The following DNAH5 variants were observed in gnomAD, a reference collection of about 807,000 sequenced individuals.
DNAH5 encodes the protein axonemal beta dynein heavy chain 5.
DNAH5 carries 372 observed loss-of-function variants against 518.2 expected under a neutral mutation model. The observed-to-expected ratio is 0.72, with a 90% CI of 0.66 to 0.78. The LOEUF is 0.78. Among genes scored for constraint, DNAH5 ranks in the 30% least tolerant of loss-of-function variants. DNAH5 has a pLI of 0.00. For missense variants in DNAH5, 5,523 were observed against 5,687.0 expected (o/e 0.97, Z 0.93); for synonymous variants, 2,039 against 2,025.9 (o/e 1.01, Z -0.17).
chr5:13,834,122 G>C (rs909167539), intron 35 of DNAH5, among the ~76,000 whole-genome samples: 1 of 152,082 alleles, frequency 6.6e-6, no homozygotes, highest in Non-Finnish European at 1.5e-5. Context: ...TAATCAAGTT[G>C]GTTAAAGAAA....
At chr5:13,839,581 A>T (rs1764886271) in intron 34 of DNAH5, 53 bp from the exon 35 acceptor site, 1 of 1,447,850 alleles carries the variant, frequency 6.9e-7, no homozygotes, top group African/African-American at 1.4e-5. Flanking sequence ...CTCATTAAAT[A>T]TACACGTTAT....
intron 35 of DNAH5, among the ~76,000 whole-genome samples, chr5:13,835,596 G>A (rs1001939838): frequency 1.3e-5 from 2 of 152,124 alleles, no homozygotes; most frequent in African/African-American, 4.8e-5. Context: ...TTAAAAGGCT[G>A]GGGTTGGAGG....
chr5:13,742,879 T>C (rs927431561), intron 65 of DNAH5, among the ~76,000 whole-genome samples: 3 of 151,992 alleles, frequency 2.0e-5, no homozygotes, highest in African/African-American at 7.2e-5. Context: ...GCCAAATACT[T>C]GGGCTCTAGA....
chr5:14,008,479 C>T (rs959364601), intron 1 of DNAH5, among the ~76,000 whole-genome samples: 1 of 152,006 alleles, frequency 6.6e-6, no homozygotes, highest in Non-Finnish European at 1.5e-5. Flanking sequence ...AAAAAAGTAG[C>T]AGGGCTTGGT....
chr5:13,989,858 C>T (rs778501622), intron 1 of DNAH5, among the ~76,000 whole-genome samples: 17 of 151,962 alleles, frequency 1.1e-4, no homozygotes, highest in Non-Finnish European at 2.1e-4. Flanking sequence ...TGTTCTTTTT[C>T]CTTGGTTTAC....
chr5:13,946,598 C>T (rs1029583012), upstream of DNAH5, among the ~76,000 whole-genome samples: 1 of 152,176 alleles, frequency 6.6e-6, no homozygotes, highest in African/African-American at 2.4e-5. Flanking sequence ...CAAATAGTTT[C>T]CACCAGGCAA....
At position 13,917,235 on chromosome 5, in the gene DNAH5, G is replaced by A. The variant is rs771956532; in HGVS notation, c.997C>T (p.Arg333Ter). 6.8e-6 allele frequency: 11 copies of A among 1,613,566 alleles called. No individual in the cohort carries two copies. The highest frequency in any genetic ancestry group is 6.7e-5 in the East Asian group (3 of 44,844). Reference sequence around the variant, plus strand: ...GCTTCATTAGTTGCATCAGTGATTCGAATATCCATCTCCCGCCAAGTCTAA... The same window carrying A: ...GCTTCATTAGTTGCATCAGTGATTCAAATATCCATCTCCCGCCAAGTCTAA... ...LLKTWREMDI[R>*]ITDATNEAKD... Residue 333 changes from arginine (R) to a stop codon, truncating the protein, a stop_gained, in exon 8 of 79, where the codon CGA (arginine) becomes TGA (stop). Transcript: ENST00000265104. LOFTEE classifies it high-confidence loss of function.
At chr5:13,850,008 T>C (rs795531) in intron 31 of DNAH5, among the ~76,000 whole-genome samples, 9,390 of 152,248 alleles carry the variant, frequency 0.062, 308 homozygotes, top group African/African-American at 0.079. Context: ...GATGTATTCA[T>C]GGGGAAAGAT....
At chr5:13,776,803 G>A in intron 54 of DNAH5, 97 bp from the exon 55 acceptor site, 1 of 1,359,536 alleles carries the variant, frequency 7.4e-7, no homozygotes. Flanking sequence ...CTCCATTTGT[G>A]TTCTTGAACT....
chr5:13,728,467 G>A (rs932974547), intron 69 of DNAH5, among the ~76,000 whole-genome samples: 6 of 152,172 alleles, frequency 3.9e-5, no homozygotes, highest in African/African-American at 7.2e-5. Flanking sequence ...AACTTCTTTC[G>A]ATCTTGAAAG....
Position 13,891,208 on chromosome 5 carries a change from G to A in DNAH5, c.2432-87C>T, listed in dbSNP as rs532323398. 133 of 1,394,622 alleles carry A rather than the reference G, an allele frequency of 9.5e-5. No homozygotes were observed. The East Asian group carries it at 1.4e-3, about 15-fold the overall frequency. The allele number at this position is 1,394,622 out of a possible 1,614,324, so 86.4% of individuals were successfully genotyped here. A position where few individuals can be genotyped will look rare whatever the true frequency, so the allele number is the denominator to read the frequency against. On this transcript the variant is annotated intron_variant, in intron 16 of 78. Transcript: ENST00000265104. ...ATCAACACTTGATTAAATGACAGTA[G>A]TAAAATCAGCTTTAAAGATTCTCAG...
chr5:13,885,175 C>A lies in DNAH5; in HGVS notation c.2797G>T (p.Ala933Ser). ...DTLTSSINAR[A>S]NALLLTTVTR... is the part of the protein sequence containing the mutation. ...ACTGTCGTCAAAAGCAGGGCATTGG[C>A]CCTGGCATTAATAGATGATGTCAAG... Residue 933 changes from alanine (A) to serine (S), a missense_variant, in exon 19 of 79, where the codon GCC becomes TCC. Ala to Ser is a moderately conservative substitution (Grantham distance 99). Coordinates refer to ENST00000265104, the MANE Select transcript of DNAH5 (RefSeq NM_001369.3). The A allele has an allele frequency of 6.2e-7, 1 of 1,614,156 alleles. No homozygotes were observed. Among genetic ancestry groups the A allele is most frequent in the Non-Finnish European group, 8.5e-7 (1 of 1,180,016 alleles).
chr5:13,960,954 A>G (rs899725331), intron 1 of DNAH5, among the ~76,000 whole-genome samples: 10 of 152,180 alleles, frequency 6.6e-5, no homozygotes, highest in Non-Finnish European at 8.8e-5. Context: ...ATAGCTTCCT[A>G]TCATTCCCCC....
chr5:14,006,152 C>T (rs1784713000), intron 1 of DNAH5, among the ~76,000 whole-genome samples: 1 of 152,204 alleles, frequency 6.6e-6, no homozygotes, highest in East Asian at 1.9e-4. Context: ...GACCTTCGCT[C>T]TGAATGACTT....
chr5:13,790,261 A>T (rs538971239), intron 50 of DNAH5, among the ~76,000 whole-genome samples: 63 of 152,350 alleles, frequency 4.1e-4, no homozygotes, highest in Admixed American at 3.3e-3. Context: ...TGTTCATTGC[A>T]GCACTATTCA....
In DNAH5 at chr5:13,922,408, T is replaced by C. The variant is rs1431160289; in HGVS notation, c.439-80A>G. On this transcript the variant is annotated intron_variant, in intron 4 of 78. Coordinates refer to ENST00000265104, the MANE Select transcript of DNAH5 (RefSeq NM_001369.3). Reference sequence around the variant, plus strand: ...AACTACTAAGTCATTTCTTAAATGTTGTCACTTTACCAAATACCCAGTAAA... The same window carrying C: ...AACTACTAAGTCATTTCTTAAATGTCGTCACTTTACCAAATACCCAGTAAA... 27 of 1,362,842 alleles carry C rather than the reference T, an allele frequency of 2.0e-5. No individual in the cohort carries two copies. The East Asian group carries it at 6.7e-4, about 34-fold the overall frequency. The allele number at this position is 1,362,842 out of a possible 1,614,324, so 84.4% of individuals were successfully genotyped here.
chr5:13,839,642 G>A (rs772762902), intron 34 of DNAH5, 114 bp from the exon 35 acceptor site: 91 of 946,918 alleles, frequency 9.6e-5, no homozygotes, highest in African/African-American at 1.8e-4. Flanking sequence ...ACAGACAACC[G>A]AACTATTTCA....
intron 65 of DNAH5, among the ~76,000 whole-genome samples, chr5:13,737,765 A>G (rs1023781549): frequency 6.6e-6 from 1 of 152,012 alleles, no homozygotes; most frequent in Non-Finnish European, 1.5e-5. Context: ...TCTCTACTAA[A>G]ATACAAAAAA....
chr5:13,806,408 T>A (rs1205658764), intron 47 of DNAH5, among the ~76,000 whole-genome samples: 2 of 152,192 alleles, frequency 1.3e-5, no homozygotes, highest in Non-Finnish European at 2.9e-5. Context: ...ATTTAGAAGT[T>A]TAATCAATGA....
Sources: allele counts gnomAD v4.1 joint callset (sites outside exome capture counted in the v4.1 genomes callset), GRCh38; gene constraint gnomAD v4.1.1; transcripts MANE v1.5; gene names NCBI Gene and HGNC (gene_info 2026-07-23, HGNC 2026-07-21).